LRRC37A2: variants seen among roughly 807,000 people sequenced by gnomAD.
LRRC37A2 encodes the protein leucine-rich repeat-containing protein 37A2.
A neutral mutation model predicts 68.8 loss-of-function variants in LRRC37A2; 9 were observed. The observed-to-expected ratio is 0.13, with a 90% CI of 0.08 to 0.23. The LOEUF is 0.23. Among genes scored for constraint, LRRC37A2 ranks in the 10% least tolerant of loss-of-function variants. The probability of loss-of-function intolerance (pLI) is 1.00; values close to 1 mark genes in which losing one functional copy is unlikely to be tolerated. For missense variants in LRRC37A2, 168 were observed against 950.4 expected (o/e 0.18, Z 10.82); for synonymous variants, 63 against 367.6 (o/e 0.17, Z 9.48).
At chr17:46,858,132 G>A in the LRRC37A2 span, among the ~76,000 whole-genome samples, 1 of 152,186 alleles carries the variant, frequency 6.6e-6, no homozygotes, top group East Asian at 1.9e-4. Flanking sequence ...GTTTCATCAT[G>A]TTGGCCTGGC....
At chr17:46,834,214 T>A in the LRRC37A2 span, among the ~76,000 whole-genome samples, 2 of 151,800 alleles carry the variant, frequency 1.3e-5, no homozygotes, top group East Asian at 3.9e-4. Flanking sequence ...AAAAAGAAAA[T>A]GTCTTACTTC....
At chr17:46,872,737 T>C in the LRRC37A2 span, 1 of 1,610,236 alleles carries the variant, frequency 6.2e-7, no homozygotes, top group Non-Finnish European at 8.5e-7. Flanking sequence ...GCGCTGGAAC[T>C]GTAGCCTGGA....
At chr17:46,808,604 A>T in the LRRC37A2 span, among the ~76,000 whole-genome samples, 1 of 152,216 alleles carries the variant, frequency 6.6e-6, no homozygotes, top group Non-Finnish European at 1.5e-5. Flanking sequence ...AGATTCAGAT[A>T]AATCATGATG....
chr17:46,892,398 T>C, the LRRC37A2 span, among the ~76,000 whole-genome samples: 1 of 152,188 alleles, frequency 6.6e-6, no homozygotes, highest in African/African-American at 2.4e-5. Context: ...GCTGACCACG[T>C]GTTCCCAGCT....
At chr17:47,018,590 G>A in the LRRC37A2 span, 29 of 1,520,180 alleles carry the variant, frequency 1.9e-5, 1 homozygote, top group South Asian at 1.5e-4. Flanking sequence ...CAGAGTCATC[G>A]GAAGAAGCTG....
chr17:46,904,446 CTGGATGGATGGATGGATGGA>C, the LRRC37A2 span, among the ~76,000 whole-genome samples: 19 of 136,954 alleles, frequency 1.4e-4, no homozygotes, highest in Admixed American at 2.2e-4. Flanking sequence ...GGCTGGCTGA[CTGGATGGATGGATGGATGGA>C]TGGATGGATG....
At chr17:46,850,392 TG>T in the LRRC37A2 span, among the ~76,000 whole-genome samples, 694 of 152,160 alleles carry the variant, frequency 4.6e-3, 9 homozygotes, top group African/African-American at 0.016. Context: ...CTCAAAGAGG[TG>T]GGGGCTTCCT....
the LRRC37A2 span, among the ~76,000 whole-genome samples, chr17:46,857,982 T>G: frequency 3.3e-5 from 5 of 152,078 alleles, no homozygotes; most frequent in African/African-American, 4.8e-5. Context: ...CAGGCTGGAG[T>G]ACAATGGCAT....
chr17:47,022,464 G>A, the LRRC37A2 span, among the ~76,000 whole-genome samples: 4 of 151,034 alleles, frequency 2.6e-5, no homozygotes, highest in East Asian at 2.0e-4. Context: ...GCCACCACCC[G>A]CAGCCCATGA....
chr17:46,787,921 A>T, the LRRC37A2 span, among the ~76,000 whole-genome samples: 8 of 148,454 alleles, frequency 5.4e-5, no homozygotes, highest in East Asian at 2.0e-4. Context: ...GTGCCACTGC[A>T]CTCCAGCCTG....
At chr17:46,922,923 T>C in the LRRC37A2 span, 1 of 567,984 alleles carries the variant, frequency 1.8e-6, no homozygotes, top group East Asian at 3.0e-5. Flanking sequence ...CCTGACTGAA[T>C]CCTGAGGCTA....
the LRRC37A2 span, among the ~76,000 whole-genome samples, chr17:46,742,285 C>T: frequency 2.0e-5 from 3 of 152,026 alleles, no homozygotes; most frequent in African/African-American, 7.3e-5. Flanking sequence ...TAGTTACTTT[C>T]CTTTTGGACA....
chr17:46,881,522 A>G, the LRRC37A2 span, among the ~76,000 whole-genome samples: 1 of 152,350 alleles, frequency 6.6e-6, no homozygotes, highest in African/African-American at 2.4e-5. Context: ...ATCGCTAGCA[A>G]GCGGATCCAG....
the LRRC37A2 span, among the ~76,000 whole-genome samples, chr17:46,979,582 C>G: frequency 1.3e-5 from 2 of 152,144 alleles, no homozygotes; most frequent in Non-Finnish European, 1.5e-5. Flanking sequence ...TTTAAGCCCT[C>G]GTAAGCCTTG....
the LRRC37A2 span, among the ~76,000 whole-genome samples, chr17:46,717,705 C>T: frequency 1.3e-5 from 2 of 152,088 alleles, no homozygotes; most frequent in Non-Finnish European, 2.9e-5. Context: ...GAGCAAGACT[C>T]CATCTAAAAA....
the LRRC37A2 span, among the ~76,000 whole-genome samples, chr17:46,951,101 C>T: frequency 1.3e-5 from 2 of 152,316 alleles, no homozygotes; most frequent in African/African-American, 2.4e-5. Flanking sequence ...ACGCCAAAGG[C>T]TTCTCCAGCT....
At chr17:46,384,978 CATA>C in the LRRC37A2 span, among the ~76,000 whole-genome samples, 1 of 32,848 alleles carries the variant, frequency 3.0e-5, no homozygotes, top group Non-Finnish European at 6.4e-5. Context: ...AAAATCACCA[CATA>C]ATAAAAACTT....
chr17:46,385,175 A>G, the LRRC37A2 span, among the ~76,000 whole-genome samples: 1 of 103,924 alleles, frequency 9.6e-6, no homozygotes, highest in African/African-American at 3.3e-5. Flanking sequence ...CTCCTAGAGA[A>G]TAATATTGAT....
At chr17:46,890,811 A>G in the LRRC37A2 span, among the ~76,000 whole-genome samples, 1 of 152,326 alleles carries the variant, frequency 6.6e-6, no homozygotes, top group African/African-American at 2.4e-5. Context: ...AGCAGAAGCA[A>G]GAGGCACGGG....
Sources: allele counts gnomAD v4.1 joint callset (sites outside exome capture counted in the v4.1 genomes callset), GRCh38; gene constraint gnomAD v4.1.1; transcripts MANE v1.5; gene names NCBI Gene and HGNC (gene_info 2026-07-23, HGNC 2026-07-21).